Variants in CPA6 observed in about 807,000 individuals in gnomAD.
The protein encoded by CPA6 is carboxypeptidase A6.
In CPA6, 58 loss-of-function variants were observed where a neutral mutation model predicts 63.3. The observed-to-expected ratio is 0.92, with a 90% CI of 0.74 to 1.14. CPA6 has a LOEUF of 1.14. Among genes scored for constraint, CPA6 ranks in the 50% most tolerant of loss-of-function variants. CPA6 has a pLI of 0.00. For missense variants in CPA6, 565 were observed against 526.6 expected (o/e 1.07, Z -0.71); for synonymous variants, 185 against 179.0 (o/e 1.03, Z -0.27).
At chr8:67,604,924 C>A (rs1814590704) in intron 2 of CPA6, among the ~76,000 whole-genome samples, 1 of 152,044 alleles carries the variant, frequency 6.6e-6, no homozygotes, top group Admixed American at 6.6e-5. Context: ...ACTACAGGCA[C>A]CTGTCACCAT....
At chr8:67,482,368 T>A (rs1179974951) in intron 8 of CPA6, among the ~76,000 whole-genome samples, 1 of 152,232 alleles carries the variant, frequency 6.6e-6, no homozygotes, top group Admixed American at 6.5e-5. Flanking sequence ...AGTGAAAAGT[T>A]TTTTTTAAGT....
intron 8 of CPA6, chr8:67,452,188 A>C (rs954454136): frequency 6.6e-6 from 1 of 152,224 alleles, no homozygotes; most frequent in African/African-American, 2.4e-5. Flanking sequence ...ATGCAGAGGG[A>C]GTAGAAGTGT....
chr8:67,475,771 T>C (rs201803854), intron 8 of CPA6, among the ~76,000 whole-genome samples: 1 of 40,524 alleles, frequency 2.5e-5, no homozygotes, highest in East Asian at 6.7e-4. Flanking sequence ...TTCTTTCTCT[T>C]TCTTTCTTTC....
intron 4 of CPA6, among the ~76,000 whole-genome samples, chr8:67,509,907 T>C (rs61110611): frequency 0.02 from 3,008 of 152,282 alleles, 97 homozygotes; most frequent in African/African-American, 0.067. Flanking sequence ...CAGATTTTTA[T>C]AAAAAATTGA....
At chr8:67,651,154 G>T (rs1238635694) in intron 1 of CPA6, among the ~76,000 whole-genome samples, 1 of 152,148 alleles carries the variant, frequency 6.6e-6, no homozygotes, top group Non-Finnish European at 1.5e-5. Context: ...GTGATTACAT[G>T]AAGGTCTTTG....
intron 2 of CPA6, among the ~76,000 whole-genome samples, chr8:67,572,195 C>T (rs74882133): frequency 0.1 from 15,654 of 152,140 alleles, 1,307 homozygotes; most frequent in East Asian, 0.25. Flanking sequence ...AAAAGTCTCC[C>T]ATTGTTATAG....
At chr8:67,653,072 AG>A (rs1815887023) in intron 1 of CPA6, among the ~76,000 whole-genome samples, 1 of 152,080 alleles carries the variant, frequency 6.6e-6, no homozygotes, top group Admixed American at 6.5e-5. Context: ...ATTATTTCTG[AG>A]GGCTCTGTTG....
chr8:67,520,041 C>T (rs58845192), intron 2 of CPA6, among the ~76,000 whole-genome samples: 9,193 of 151,986 alleles, frequency 0.06, 869 homozygotes, highest in African/African-American at 0.21. Context: ...ATTAGATTTT[C>T]GAATCCTTTA....
At chr8:67,505,859 C>T (rs1811915978) in intron 6 of CPA6, among the ~76,000 whole-genome samples, 1 of 152,034 alleles carries the variant, frequency 6.6e-6, no homozygotes, top group African/African-American at 2.4e-5. Context: ...CCATAAAACA[C>T]AGTAAAATAT....
chr8:67,572,285 C>T (rs1270497869), intron 2 of CPA6, among the ~76,000 whole-genome samples: 2 of 152,140 alleles, frequency 1.3e-5, no homozygotes, highest in Non-Finnish European at 2.9e-5. Flanking sequence ...GAGGTGGGCT[C>T]AATGGCAGGT....
chr8:67,681,544 G>A (rs1406755272), intron 1 of CPA6, among the ~76,000 whole-genome samples: 2 of 152,170 alleles, frequency 1.3e-5, no homozygotes, highest in African/African-American at 4.8e-5. Context: ...AAGACCTATA[G>A]TTTTAAGTTT....
intron 1 of CPA6, among the ~76,000 whole-genome samples, chr8:67,634,694 T>G (rs1003428903): frequency 2.0e-5 from 3 of 151,598 alleles, no homozygotes; most frequent in Admixed American, 6.6e-5. Context: ...ATTTTTTTTG[T>G]GAAAATTATT....
At chr8:67,587,113 C>T (rs1813960994) in intron 2 of CPA6, among the ~76,000 whole-genome samples, 1 of 152,198 alleles carries the variant, frequency 6.6e-6, no homozygotes, top group Admixed American at 6.5e-5. Flanking sequence ...CCTTGAAAGC[C>T]TGTGGCTATA....
chr8:67,589,600 T>A (rs186297636), intron 2 of CPA6, among the ~76,000 whole-genome samples: 3 of 152,322 alleles, frequency 2.0e-5, no homozygotes, highest in Admixed American at 1.3e-4. Flanking sequence ...ATCATTTTTA[T>A]GTGGTGTATG....
At chr8:67,455,528 T>C (rs1464839806) in intron 8 of CPA6, among the ~76,000 whole-genome samples, 4 of 151,930 alleles carry the variant, frequency 2.6e-5, no homozygotes, top group Non-Finnish European at 4.4e-5. Context: ...CACAGGACTA[T>C]GCTTTCATCA....
Position 67,683,787 on chromosome 8 carries a change from C to G in CPA6, c.117-59536G>C, listed in dbSNP as rs190899361. Among the ~76,000 whole-genome samples, 313 of 151,880 alleles carry G rather than the reference C, an allele frequency of 2.1e-3. 2 individuals carry two copies. The highest frequency in any genetic ancestry group is 4.7e-3 in the Admixed American group (72 of 15,244). ...TCTATATGTTTTTGCTCTTATTACC[C>G]AAATTACTGTTTTATCTACCAATTT... On this transcript the variant is annotated intron_variant, in intron 1 of 10. Coordinates refer to ENST00000297770, the MANE Select transcript of CPA6 (RefSeq NM_020361.5).
chr8:67,465,759 T>C (rs547246739), intron 8 of CPA6, among the ~76,000 whole-genome samples: 126 of 152,346 alleles, frequency 8.3e-4, no homozygotes, highest in Non-Finnish European at 1.7e-3. Flanking sequence ...ATCACATTTA[T>C]TGATTTGTAT....
intron 1 of CPA6, among the ~76,000 whole-genome samples, chr8:67,629,655 A>G (rs1481591591): frequency 6.6e-6 from 1 of 152,186 alleles, no homozygotes; most frequent in Non-Finnish European, 1.5e-5. Context: ...ATCAAGGAAT[A>G]GATGTTTGCA....
intron 1 of CPA6, among the ~76,000 whole-genome samples, chr8:67,707,615 A>T (rs1817164895): frequency 6.6e-6 from 1 of 152,210 alleles, no homozygotes; most frequent in African/African-American, 2.4e-5. Context: ...TCCTTTAAAA[A>T]ATCAAACTTA....
Sources: allele counts gnomAD v4.1 joint callset (sites outside exome capture counted in the v4.1 genomes callset), GRCh38; gene constraint gnomAD v4.1.1; transcripts MANE v1.5; gene names NCBI Gene and HGNC (gene_info 2026-07-23, HGNC 2026-07-21).